Variants in SORCS3 observed in about 807,000 individuals in gnomAD.
SORCS3 encodes the protein VPS10 domain-containing receptor SorCS3.
SORCS3 carries 57 observed loss-of-function variants against 146.3 expected under a neutral mutation model. The observed-to-expected ratio is 0.39, with a 90% CI of 0.31 to 0.49. The LOEUF is 0.49. SORCS3 is among the 20% of genes least tolerant of loss of function. SORCS3 has a pLI of 0.92. For synonymous variants in SORCS3, 653 were observed against 618.5 expected (o/e 1.06, Z -0.83); for missense variants, 1,341 against 1,575.5 (o/e 0.85, Z 2.52).
intron 1 of SORCS3, among the ~76,000 whole-genome samples, chr10:104,717,296 A>C (rs1490897623): frequency 6.8e-6 from 1 of 148,010 alleles, no homozygotes; most frequent in African/African-American, 2.4e-5. Flanking sequence ...TAAGAAAAAA[A>C]ATGTAAAAAA....
chr10:105,057,953 C>T (rs1346061264), intron 5 of SORCS3, among the ~76,000 whole-genome samples: 1 of 152,200 alleles, frequency 6.6e-6, no homozygotes, highest in African/African-American at 2.4e-5. Flanking sequence ...TCACCTGCTT[C>T]TGCTGTTTGA....
intron 11 of SORCS3, among the ~76,000 whole-genome samples, chr10:105,159,959 AAGCCCAC>A (rs1203045637): frequency 6.6e-6 from 1 of 152,214 alleles, no homozygotes; most frequent in Non-Finnish European, 1.5e-5. Context: ...GGTATTAAGC[AAGCCCAC>A]TATGCTTAAT....
chr10:105,240,959 T>C (rs564164115), intron 20 of SORCS3, among the ~76,000 whole-genome samples: 3 of 150,702 alleles, frequency 2.0e-5, no homozygotes, highest in South Asian at 4.2e-4. Flanking sequence ...TATATATATA[T>C]ATATCTATAT....
At chr10:104,906,702 C>G (rs574201963) in intron 2 of SORCS3, among the ~76,000 whole-genome samples, 28 of 152,264 alleles carry the variant, frequency 1.8e-4, no homozygotes, top group African/African-American at 5.8e-4. Flanking sequence ...TTTGGTCTGC[C>G]TTTTTGAACG....
At chr10:104,753,229 C>A (rs1589485819) in intron 1 of SORCS3, among the ~76,000 whole-genome samples, 1 of 152,186 alleles carries the variant, frequency 6.6e-6, no homozygotes, top group East Asian at 1.9e-4. Context: ...GTTTAGGGCA[C>A]CTTCTAATTT....
At chr10:105,174,527 AT>A (rs549340863) in intron 13 of SORCS3, among the ~76,000 whole-genome samples, 1 of 151,838 alleles carries the variant, frequency 6.6e-6, no homozygotes, top group Non-Finnish European at 1.5e-5. Flanking sequence ...TTCTAATGTT[AT>A]TTTTTTTGGA....
At chr10:105,128,757 T>G (rs777851249) in intron 7 of SORCS3, among the ~76,000 whole-genome samples, 3 of 152,140 alleles carry the variant, frequency 2.0e-5, no homozygotes, top group Non-Finnish European at 4.4e-5. Flanking sequence ...ACAGCATAAT[T>G]TGTCAGTGAA....
chr10:104,925,313 C>T (rs1402357089), intron 3 of SORCS3, among the ~76,000 whole-genome samples: 3 of 152,034 alleles, frequency 2.0e-5, no homozygotes, highest in South Asian at 2.1e-4. Context: ...AAGTAAATGC[C>T]GAATTAGGGG....
At chr10:105,127,941 G>C (rs936641545) in intron 7 of SORCS3, among the ~76,000 whole-genome samples, 5 of 152,142 alleles carry the variant, frequency 3.3e-5, no homozygotes, top group Non-Finnish European at 7.4e-5. Context: ...CCATTCTTTG[G>C]AAAGGCTCTG....
At chr10:104,704,498 C>T (rs2016314852) in intron 1 of SORCS3, among the ~76,000 whole-genome samples, 1 of 152,036 alleles carries the variant, frequency 6.6e-6, no homozygotes, top group African/African-American at 2.4e-5. Context: ...GGTTCAACTA[C>T]AATATTTACA....
At chr10:105,208,347 G>GA (rs752487151) in intron 16 of SORCS3, among the ~76,000 whole-genome samples, 1,706 of 118,952 alleles carry the variant, frequency 0.014, 15 homozygotes, top group African/African-American at 0.032. Flanking sequence ...TCTCAGAGAG[G>GA]AAAAAAAAAA....
In SORCS3 at chr10:105,089,753, T is replaced by C. The variant is rs375707240; in HGVS notation, c.1029-22T>C. On this transcript the variant is annotated intron_variant, in intron 5 of 26. Transcript: ENST00000369701. ...GCTATCGGTGTTGTCACTGAGCTTC[T>C]GTCTCTCCCTTCCTTTCCCAGGTCG... 174 of 1,611,292 alleles carry C rather than the reference T, an allele frequency of 1.1e-4. No individual in the cohort carries two copies. In the African/African-American group the frequency reaches 2.2e-3, roughly 20 times the overall value.
At chr10:105,135,527 T>C (rs10786846) in intron 7 of SORCS3, among the ~76,000 whole-genome samples, 73,618 of 152,030 alleles carry the variant, frequency 0.48, 18,365 homozygotes, top group Non-Finnish European at 0.54. Context: ...AACTTGCCTT[T>C]TTAAACTTTA....
chr10:104,658,081 C>T (rs1350503843), intron 1 of SORCS3, among the ~76,000 whole-genome samples: 2 of 152,098 alleles, frequency 1.3e-5, no homozygotes, highest in Non-Finnish European at 2.9e-5. Flanking sequence ...TGCCTTTCTC[C>T]CTTCTGGTTT....
At chr10:104,726,468 G>C (rs867814991) in intron 1 of SORCS3, among the ~76,000 whole-genome samples, 1 of 152,242 alleles carries the variant, frequency 6.6e-6, no homozygotes, top group African/African-American at 2.4e-5. Flanking sequence ...TAAGGCCTGC[G>C]TGTGCCATGA....
At chr10:104,805,242 A>G (rs2017668038) in intron 1 of SORCS3, among the ~76,000 whole-genome samples, 1 of 152,212 alleles carries the variant, frequency 6.6e-6, no homozygotes, top group Non-Finnish European at 1.5e-5. Flanking sequence ...AATTGTCTTG[A>G]GAACACAGAG....
intron 1 of SORCS3, among the ~76,000 whole-genome samples, chr10:104,672,357 C>CT (rs764493707): frequency 6.6e-6 from 1 of 151,996 alleles, no homozygotes; most frequent in Non-Finnish European, 1.5e-5. Flanking sequence ...AGTCTTCTCT[C>CT]TTTTTTTCTT....
chr10:104,920,934 A>T (rs940049212), intron 3 of SORCS3, among the ~76,000 whole-genome samples: 1 of 152,192 alleles, frequency 6.6e-6, no homozygotes, highest in South Asian at 2.1e-4. Flanking sequence ...TTCTCCAGCC[A>T]TTGGCCAATT....
chr10:104,814,758 C>A (rs2017778267), intron 1 of SORCS3, among the ~76,000 whole-genome samples: 2 of 152,198 alleles, frequency 1.3e-5, no homozygotes, highest in South Asian at 4.1e-4. Flanking sequence ...ATAGTAGATA[C>A]CACTTATTAA....
Sources: allele counts gnomAD v4.1 joint callset (sites outside exome capture counted in the v4.1 genomes callset), GRCh38; gene constraint gnomAD v4.1.1; transcripts MANE v1.5; gene names NCBI Gene and HGNC (gene_info 2026-07-23, HGNC 2026-07-21).